Variants in OSBPL10 observed in about 807,000 individuals in gnomAD.
OSBPL10 encodes oxysterol binding protein like 10.
Under a neutral mutation model 81.7 loss-of-function variants are expected in OSBPL10, and 49 were observed. The ratio of observed to expected loss-of-function variants is 0.60; its 90% CI spans 0.48 to 0.76. The LOEUF (loss-of-function observed/expected upper bound fraction) is 0.76, where lower values mean the gene tolerates loss of function less well. Ranked by LOEUF, OSBPL10 falls within the 30% of genes least tolerant of loss-of-function variation. The probability of loss-of-function intolerance (pLI) is 0.00; values close to 1 mark genes in which losing one functional copy is unlikely to be tolerated. For missense variants in OSBPL10, 923 were observed against 987.8 expected, an observed-to-expected ratio of 0.93 and a Z score of 0.88; for synonymous variants, 419 against 383.6, an observed-to-expected ratio of 1.09 and a Z score of -1.08.
At chr3:31,827,928 T>A (rs1015572700) in intron 4 of OSBPL10, among the ~76,000 whole-genome samples, 2 of 152,222 alleles carry the variant, frequency 1.3e-5, no homozygotes, top group African/African-American at 4.8e-5. Flanking sequence ...TTCTGTTGAA[T>A]CAAACGCTAC....
chr3:31,749,324 T>A (rs1037282378), intron 4 of OSBPL10, among the ~76,000 whole-genome samples: 2 of 152,224 alleles, frequency 1.3e-5, no homozygotes, highest in African/African-American at 4.8e-5. Flanking sequence ...ACGATGTTTT[T>A]AAAAAGATTA....
intron 2 of OSBPL10, among the ~76,000 whole-genome samples, chr3:32,020,783 T>C (rs951264482): frequency 2.6e-5 from 4 of 151,922 alleles, no homozygotes; most frequent in African/African-American, 9.7e-5. Context: ...GTGAGTCTTA[T>C]AGGAGTCCTA....
At chr3:31,941,274 G>A (rs893636712) in intron 1 of OSBPL10, among the ~76,000 whole-genome samples, 1 of 152,052 alleles carries the variant, frequency 6.6e-6, no homozygotes, top group Non-Finnish European at 1.5e-5. Context: ...AGAAAAGCAA[G>A]ACAAACAGAC....
chr3:31,978,420 T>C (rs1698742665), intron 1 of OSBPL10, among the ~76,000 whole-genome samples: 1 of 152,222 alleles, frequency 6.6e-6, no homozygotes, highest in Non-Finnish European at 1.5e-5. Flanking sequence ...GAATAGATAA[T>C]TGAACAAATG....
intron 2 of OSBPL10, among the ~76,000 whole-genome samples, chr3:32,007,805 C>G (rs1014048380): frequency 6.6e-5 from 10 of 152,058 alleles, no homozygotes; most frequent in Non-Finnish European, 4.4e-5. Flanking sequence ...CTCCCGAGTT[C>G]AAGCGATTCT....
At chr3:31,818,328 T>C (rs1699898011) in intron 4 of OSBPL10, among the ~76,000 whole-genome samples, 1 of 152,186 alleles carries the variant, frequency 6.6e-6, no homozygotes, top group Admixed American at 6.5e-5. Flanking sequence ...AACTGCAATA[T>C]TGGCTCTTCC....
At chr3:31,682,884 T>A (rs1280806831) in intron 8 of OSBPL10, among the ~76,000 whole-genome samples, 1 of 152,162 alleles carries the variant, frequency 6.6e-6, no homozygotes, top group African/African-American at 2.4e-5. Flanking sequence ...TGCTCTTATC[T>A]CATGGGGTTT....
chr3:31,965,987 T>C (rs1241315538), intron 1 of OSBPL10, among the ~76,000 whole-genome samples: 2 of 126,448 alleles, frequency 1.6e-5, no homozygotes, highest in Non-Finnish European at 3.2e-5. Flanking sequence ...ATATATATTA[T>C]ATAAAATATA....
chr3:31,726,283 G>A (rs769168825), intron 6 of OSBPL10, among the ~76,000 whole-genome samples: 5 of 151,672 alleles, frequency 3.3e-5, no homozygotes, highest in Admixed American at 6.6e-5. Context: ...AAGGGGCTTC[G>A]CTTCCCAAAC....
intron 4 of OSBPL10, among the ~76,000 whole-genome samples, chr3:31,778,260 C>G (rs1335503316): frequency 1.3e-5 from 2 of 152,286 alleles, no homozygotes; most frequent in East Asian, 3.9e-4. Flanking sequence ...CCCCACATCC[C>G]TAGTGACAGA....
chr3:31,928,000 G>A (rs1376677327), intron 1 of OSBPL10, among the ~76,000 whole-genome samples: 1 of 152,174 alleles, frequency 6.6e-6, no homozygotes, highest in Non-Finnish European at 1.5e-5. Flanking sequence ...AGGTTGCATG[G>A]AGAGAATGAG....
rs1234644853 is a variant in OSBPL10, at chr3:31,720,904, A to AAAAAC, written c.1095+12352_1095+12353insGTTTT. On this transcript the variant is annotated intron_variant, in intron 6 of 11. Coordinates refer to ENST00000396556, the MANE Select transcript of OSBPL10 (RefSeq NM_017784.5). ...CTCAAAAAAAAAAAAAAAAAAAAAA[A>AAAAAC]GGCCCAAAGATGTCCAAGTCCTGAT... 8.0e-4 allele frequency among the ~76,000 whole-genome samples: 118 copies of AAAAAC among 147,554 alleles called. 1 individual carries two copies. Among genetic ancestry groups the AAAAAC allele is most frequent in the African/African-American group, 2.7e-3 (109 of 40,598 alleles).
chr3:31,877,063 C>G lies in OSBPL10; in HGVS notation c.458-551G>C, dbSNP rs895627272. 2.6e-5 allele frequency among the ~76,000 whole-genome samples: 4 copies of G among 152,020 alleles called. No homozygotes were observed. The East Asian group carries it at 7.7e-4, about 29-fold the overall frequency. ...GGACTACAGGCACCCGCTACCATGC[C>G]CGGCTATTTTTTTTGTATTTTTTAG... On this transcript the variant is annotated intron_variant, in intron 2 of 11. Coordinates refer to ENST00000396556, the MANE Select transcript of OSBPL10 (RefSeq NM_017784.5).
At chr3:31,953,900 G>A (rs1279756506) in intron 1 of OSBPL10, among the ~76,000 whole-genome samples, 1 of 152,226 alleles carries the variant, frequency 6.6e-6, no homozygotes, top group Non-Finnish European at 1.5e-5. Flanking sequence ...AGGAACTGGG[G>A]CAAGAGGCAA....
At chr3:31,889,359 TGCA>T (rs1384000992) in intron 1 of OSBPL10, among the ~76,000 whole-genome samples, 2 of 152,142 alleles carry the variant, frequency 1.3e-5, no homozygotes, top group Non-Finnish European at 2.9e-5. Flanking sequence ...CCACGTTTAG[TGCA>T]GCACTATTCA....
chr3:31,738,798 A>G (rs1697263217), intron 5 of OSBPL10, among the ~76,000 whole-genome samples: 1 of 152,202 alleles, frequency 6.6e-6, no homozygotes, highest in Non-Finnish European at 1.5e-5. Context: ...GCAGCACTGC[A>G]GAGACTCAGA....
chr3:31,907,268 C>A (rs553696164), intron 1 of OSBPL10, among the ~76,000 whole-genome samples: 1 of 152,050 alleles, frequency 6.6e-6, no homozygotes, highest in Non-Finnish European at 1.5e-5. Flanking sequence ...CTTATTTTGT[C>A]GTCTTAAAAA....
intron 4 of OSBPL10, among the ~76,000 whole-genome samples, chr3:31,773,137 A>T (rs1208302138): frequency 6.6e-6 from 1 of 152,100 alleles, no homozygotes; most frequent in Non-Finnish European, 1.5e-5. Flanking sequence ...CCAAAGTTTC[A>T]TATGCACTAT....
At chr3:31,917,698 A>G (rs1696798025) in intron 1 of OSBPL10, among the ~76,000 whole-genome samples, 1 of 147,154 alleles carries the variant, frequency 6.8e-6, no homozygotes, top group Non-Finnish European at 1.5e-5. Context: ...CAATCAATCA[A>G]TCAATACCTC....
Sources: allele counts gnomAD v4.1 joint callset (sites outside exome capture counted in the v4.1 genomes callset), GRCh38; gene constraint gnomAD v4.1.1; transcripts MANE v1.5; gene names NCBI Gene and HGNC (gene_info 2026-07-23, HGNC 2026-07-21).